SESN2: variants seen among roughly 807,000 people sequenced by gnomAD.
The protein encoded by SESN2 is sestrin-2.
SESN2 carries 42 observed loss-of-function variants against 56.0 expected under a neutral mutation model. The observed-to-expected ratio is 0.75, with a 90% CI of 0.59 to 0.97. The LOEUF (loss-of-function observed/expected upper bound fraction) is 0.97. SESN2 is among the 50% of genes least tolerant of loss of function. The probability of loss-of-function intolerance (pLI) is 0.00; values close to 1 mark genes in which losing one functional copy is unlikely to be tolerated. For synonymous variants in SESN2, 264 were observed against 267.1 expected, an observed-to-expected ratio of 0.99 and a Z score of 0.11; for missense variants, 507 against 649.4, an observed-to-expected ratio of 0.78 and a Z score of 2.38.
intron 1 of SESN2, among the ~76,000 whole-genome samples, chr1:28,265,827 C>A (rs1320860205): frequency 6.8e-6 from 1 of 146,888 alleles, no homozygotes; most frequent in Non-Finnish European, 1.5e-5. Context: ...CACTTAGGCC[C>A]CCTAGATCTT....
Position 28,279,137 on chromosome 1 carries a change from G to C in SESN2, c.1252G>C (p.Glu418Gln), listed in dbSNP as rs752273679. 45 of 1,614,012 alleles carry C rather than the reference G, an allele frequency of 2.8e-5. No homozygotes were observed. The highest frequency in any genetic ancestry group is 3.8e-5 in the Non-Finnish European group (45 of 1,179,994). ...TTATGGGGAGGTGAACCAGCTCCTG[G>C]AGCGGAACCTCAAGGTCTATATCAA... ...YDYGEVNQLL[E>Q]RNLKVYIKTV... Residue 418 changes from glutamate to glutamine, a missense_variant, in exon 9 of 10, where the codon GAG (glutamate) becomes CAG (glutamine). Glu to Gln is a conservative substitution (Grantham distance 29). Coordinates refer to ENST00000253063, the MANE Select transcript of SESN2 (RefSeq NM_031459.5).
At chr1:28,265,715 G>T (rs1245432842) in intron 1 of SESN2, among the ~76,000 whole-genome samples, 2 of 152,050 alleles carry the variant, frequency 1.3e-5, no homozygotes, top group East Asian at 1.9e-4. Flanking sequence ...TTAAGAGAGG[G>T]TGTCCTGCTG....
chr1:28,264,032 C>CT (rs1647473080), intron 1 of SESN2, among the ~76,000 whole-genome samples: 1 of 149,546 alleles, frequency 6.7e-6, no homozygotes, highest in South Asian at 2.1e-4. Flanking sequence ...TGAGACCAGC[C>CT]TTGGCAACAC....
chr1:28,272,878 G>A (rs976162707), intron 5 of SESN2, 85 bp downstream of exon 5: 21 of 708,166 alleles, frequency 3.0e-5, no homozygotes, highest in Non-Finnish European at 4.1e-5. Flanking sequence ...TCCCAATCTC[G>A]TATCTGCACT....
At chr1:28,270,448 C>T (rs1054400028) in intron 2 of SESN2, among the ~76,000 whole-genome samples, 1 of 152,108 alleles carries the variant, frequency 6.6e-6, no homozygotes, top group African/African-American at 2.4e-5. Context: ...CCTTCTAAAC[C>T]CCTTGTTCCT....
At chr1:28,263,688 A>C (rs1265472917) in intron 1 of SESN2, among the ~76,000 whole-genome samples, 1 of 151,792 alleles carries the variant, frequency 6.6e-6, no homozygotes, top group Admixed American at 6.6e-5. Flanking sequence ...GCTGGGTTCA[A>C]CTCTCCAAGG....
intron 2 of SESN2, among the ~76,000 whole-genome samples, chr1:28,271,310 C>T (rs938301390): frequency 6.6e-6 from 1 of 152,186 alleles, no homozygotes; most frequent in Non-Finnish European, 1.5e-5. Context: ...AGAATAGACA[C>T]TCCATGAAGG....
chr1:28,275,707 G>A (rs543313270), intron 8 of SESN2, among the ~76,000 whole-genome samples: 1 of 150,356 alleles, frequency 6.7e-6, no homozygotes, highest in African/African-American at 2.5e-5. Context: ...AGCTGGGATC[G>A]TGCCACTGCA....
At position 28,274,945 on chromosome 1, in the gene SESN2, C is replaced by T. The variant is rs1257279385; in HGVS notation, c.1141C>T (p.His381Tyr). The T allele has an allele frequency of 6.2e-7, 1 of 1,614,170 alleles. No individual in the cohort carries two copies. Among genetic ancestry groups the T allele is most frequent in the Non-Finnish European group, 8.5e-7 (1 of 1,179,984 alleles). The stretch of plus-strand genomic sequence containing the variant: ...CCTCACCTACAATACCATCGCCATG[C>T]ACAGTGGTGTGGACACCTCCGTGCT... Reference protein sequence around the residue: ...YSLTYNTIAMHSGVDTSVLRR... With the variant: ...YSLTYNTIAMYSGVDTSVLRR... Residue 381 changes from histidine (H) to tyrosine (Y), a missense_variant, in exon 8 of 10, where the codon CAC becomes TAC. His to Tyr is a moderately conservative substitution (Grantham distance 83). Coordinates refer to ENST00000253063, the MANE Select transcript of SESN2 (RefSeq NM_031459.5).
intron 2 of SESN2, 68 bp downstream of exon 2, chr1:28,269,316 G>A: frequency 9.6e-7 from 1 of 1,042,974 alleles, no homozygotes; most frequent in Non-Finnish European, 1.4e-6. Flanking sequence ...TGGTAGGCAG[G>A]CATCTTTTCC....
At chr1:28,279,697 C>T (rs1459030645) in intron 9 of SESN2, among the ~76,000 whole-genome samples, 1 of 151,880 alleles carries the variant, frequency 6.6e-6, no homozygotes, top group African/African-American at 2.4e-5. Flanking sequence ...AGGCGTGTGC[C>T]ACCATCCCCA....
In SESN2 at chr1:28,278,345, G is replaced by A. The variant is rs560726010; in HGVS notation, c.1212-752G>A. On this transcript the variant is annotated intron_variant, in intron 8 of 9. Coordinates refer to ENST00000253063, the MANE Select transcript of SESN2 (RefSeq NM_031459.5). The stretch of plus-strand genomic sequence containing the variant: ...GCACTTTGGGAGGCTGAGGCAGGCG[G>A]ATCATGAGGTCAGGAGTTCGAGACC... Among the ~76,000 whole-genome samples, 3 of 152,208 alleles carry A rather than the reference G, an allele frequency of 2.0e-5. No homozygotes were observed. The South Asian group carries it at 6.2e-4, about 32-fold the overall frequency.
intron 8 of SESN2, among the ~76,000 whole-genome samples, chr1:28,275,857 G>T (rs1470094835): frequency 6.6e-6 from 1 of 151,994 alleles, no homozygotes; most frequent in Non-Finnish European, 1.5e-5. Flanking sequence ...AGTTCAAGAC[G>T]AGCTTGGGCA....
chr1:28,271,914 G>T (rs1425823301), intron 3 of SESN2, 43 bp downstream of exon 3: 1 of 1,578,928 alleles, frequency 6.3e-7, no homozygotes, highest in South Asian at 1.1e-5. Context: ...TGGCTTTGTG[G>T]TGGGTTCTGT....
At chr1:28,277,033 G>A (rs1648075934) in intron 8 of SESN2, among the ~76,000 whole-genome samples, 1 of 151,664 alleles carries the variant, frequency 6.6e-6, no homozygotes, top group Admixed American at 6.6e-5. Flanking sequence ...TCAGCCTCCT[G>A]AGTACCTGGG....
chr1:28,274,555 G>A lies in SESN2; in HGVS notation c.1021-270G>A, dbSNP rs543529537. 2.0e-4 allele frequency among the ~76,000 whole-genome samples: 30 copies of A among 151,900 alleles called. No individual in the cohort carries two copies. In the East Asian group the frequency reaches 5.8e-3, roughly 29 times the overall value. On this transcript the variant is annotated intron_variant, in intron 7 of 9. Coordinates refer to ENST00000253063, the MANE Select transcript of SESN2 (RefSeq NM_031459.5). ...AAAAAAAAAAAACAGAGTTGGGTACGTTATTTCCCTCAAGATTCCACGAGG... is the reference window on the plus strand; with the variant it reads ...AAAAAAAAAAAACAGAGTTGGGTACATTATTTCCCTCAAGATTCCACGAGG...
chr1:28,260,978 GA>G (rs1385334780), intron 1 of SESN2, among the ~76,000 whole-genome samples: 3 of 152,182 alleles, frequency 2.0e-5, no homozygotes, highest in African/African-American at 7.2e-5. Flanking sequence ...GATGGGCTCA[GA>G]AAGAGGCTTT....
In SESN2 at chr1:28,281,896, CT is replaced by C; in HGVS notation, c.*1095del. 6.6e-6 allele frequency: 1 copy of C among 152,290 alleles called. No individual in the cohort carries two copies. 9.4% of individuals were successfully genotyped at this position (152,290 alleles called of 1,614,324 possible). ...GTCCCCACAATGTCTGAAGCTGCCC[CT>C]GGGATTCTCAGGCCAACCTGCCAAC... On this transcript the variant is annotated 3_prime_UTR_variant, in exon 10 of 10. Transcript: ENST00000253063.
At chr1:28,275,051 A>C in intron 8 of SESN2, 36 bp downstream of exon 8, 1 of 1,476,134 alleles carries the variant, frequency 6.8e-7, no homozygotes, top group East Asian at 2.3e-5. Flanking sequence ...GCATGTGTGC[A>C]CTGTAAGTCT....
Sources: gnomAD v4.1 joint callset for allele counts (sites outside exome capture counted in the v4.1 genomes callset) on GRCh38, gnomAD v4.1.1 for gene constraint, MANE v1.5 for transcripts, NCBI Gene and HGNC (gene_info 2026-07-23, HGNC 2026-07-21) for gene names.